Variants in PDE11A observed in about 807,000 individuals in gnomAD.
The protein encoded by PDE11A is dual 3',5'-cyclic-AMP and -GMP phosphodiesterase 11A.
In PDE11A, 100 loss-of-function variants were observed where a neutral mutation model predicts 100.5. That is an observed-to-expected ratio of 1.00 (90% confidence interval 0.85 to 1.18). PDE11A has a LOEUF of 1.18. PDE11A is among the 50% of genes most tolerant of loss of function. The pLI is 0.00. For missense variants in PDE11A, 1,141 were observed against 1,152.6 expected (o/e 0.99, Z 0.15); for synonymous variants, 381 against 420.8 (o/e 0.91, Z 1.16).
chr2:177,840,140 C>A lies in PDE11A; in HGVS notation c.1500+111G>T, dbSNP rs553781618. On this transcript the variant is annotated intron_variant, in intron 6 of 19. Transcript: ENST00000286063. Reference sequence around the variant, plus strand: ...GTAGGCAATGCTAAAAATAAGATCACAGGGGAAGGATGCAAAAGAATTGCT... The same window carrying A: ...GTAGGCAATGCTAAAAATAAGATCAAAGGGGAAGGATGCAAAAGAATTGCT... 3 of 1,123,616 alleles carry A rather than the reference C, an allele frequency of 2.7e-6. No homozygotes were observed. The South Asian group carries it at 3.9e-5, about 15-fold the overall frequency. The allele number at this position is 1,123,616 out of a possible 1,614,324, so 69.6% of individuals were successfully genotyped here. A position where few individuals can be genotyped will look rare whatever the true frequency, so the allele number is the denominator to read the frequency against.
At chr2:177,913,756 T>C (rs749259858) in intron 2 of PDE11A, among the ~76,000 whole-genome samples, 13 of 152,186 alleles carry the variant, frequency 8.5e-5, no homozygotes, top group Non-Finnish European at 1.5e-4. Context: ...CAGAATATTC[T>C]AGGGGGTGGT....
intron 9 of PDE11A, among the ~76,000 whole-genome samples, chr2:177,776,338 C>A (rs142217732): frequency 3.3e-5 from 5 of 152,296 alleles, no homozygotes; most frequent in African/African-American, 1.2e-4. Context: ...CCTCCTTCTA[C>A]ATGCTCCAAA....
chr2:177,840,401 T>TGCTTGG lies in PDE11A; in HGVS notation c.1368-19_1368-18insCCAAGC. 10 of 1,612,658 alleles carry TGCTTGG rather than the reference T, an allele frequency of 6.2e-6. No individual in the cohort carries two copies. Among genetic ancestry groups the TGCTTGG allele is most frequent in the Non-Finnish European group, 8.5e-6 (10 of 1,178,866 alleles). On this transcript the variant is annotated intron_variant, in intron 5 of 19. Transcript: ENST00000286063. ...CTTTGAAACTATCAGAGCACCAAGG[T>TGCTTGG]AGGCAGGAAGAAAAGAGAGAAACGT...
In PDE11A at chr2:177,905,167, T is replaced by C. The variant is rs1230085172; in HGVS notation, c.1092A>G (p.Pro364=). Residue 364 remains proline, a synonymous_variant, in exon 3 of 20, where the codon CCA becomes CCG. Coordinates refer to ENST00000286063, the MANE Select transcript of PDE11A (RefSeq NM_016953.4). ...CGTTAGATATGGCGATTCCACAAAA[T>C]GGAAGATACATCTGCATAACCTGGG... ...DDEKVMQMYL[P]FCGIAISNAQ... is the part of the protein sequence containing the mutation. The C allele has an allele frequency of 6.2e-7, 1 of 1,602,790 alleles. No homozygotes were observed. Among genetic ancestry groups the C allele is most frequent in the Non-Finnish European group, 8.5e-7 (1 of 1,169,676 alleles).
intron 1 of PDE11A, among the ~76,000 whole-genome samples, chr2:178,058,446 C>G (rs2086926378): frequency 6.6e-6 from 1 of 152,110 alleles, no homozygotes; most frequent in African/African-American, 2.4e-5. Flanking sequence ...GGGAGTTTCC[C>G]TGCACAGGCT....
chr2:178,045,016 G>A (rs1024581517), intron 1 of PDE11A, among the ~76,000 whole-genome samples: 3 of 152,124 alleles, frequency 2.0e-5, no homozygotes, highest in African/African-American at 7.2e-5. Flanking sequence ...ATAGATCACC[G>A]GTATGGCTGT....
intron 1 of PDE11A, among the ~76,000 whole-genome samples, chr2:178,068,808 C>G (rs10198111): frequency 0.29 from 44,214 of 151,874 alleles, 6,556 homozygotes; most frequent in Non-Finnish European, 0.31. Context: ...CTACAACAAC[C>G]CTATAAAAAG....
At chr2:177,774,713 A>G (rs905819314) in intron 9 of PDE11A, among the ~76,000 whole-genome samples, 1 of 152,214 alleles carries the variant, frequency 6.6e-6, no homozygotes, top group Non-Finnish European at 1.5e-5. Flanking sequence ...GTCTGCCTAC[A>G]TTACTAACTT....
At chr2:177,991,020 A>G (rs769570980) in intron 2 of PDE11A, among the ~76,000 whole-genome samples, 6 of 150,366 alleles carry the variant, frequency 4.0e-5, no homozygotes, top group African/African-American at 9.8e-5. Context: ...AAAATAAAGA[A>G]CAAGTATTTA....
chr2:177,845,624 G>C (rs1299704140), intron 5 of PDE11A, among the ~76,000 whole-genome samples: 2 of 152,136 alleles, frequency 1.3e-5, no homozygotes, highest in Non-Finnish European at 2.9e-5. Context: ...CTTCCCAGAC[G>C]GGGTGGCGGC....
In PDE11A at chr2:177,662,956, T is replaced by A. The variant is rs138174211; in HGVS notation, c.2646+910A>T. On this transcript the variant is annotated intron_variant, in intron 19 of 19. Coordinates refer to ENST00000286063, the MANE Select transcript of PDE11A (RefSeq NM_016953.4). ...AGGTCCTTAAAAAACAATACTGCGT[T>A]TTTAATGGGGTTACATAGGGTGAGG... Among the ~76,000 whole-genome samples the A allele has an allele frequency of 2.6e-3, 396 of 152,298 alleles. 4 individuals are homozygous for A. Among genetic ancestry groups the A allele is most frequent in the African/African-American group, 9.1e-3 (378 of 41,560 alleles).
chr2:177,811,268 A>T (rs1468575480), intron 9 of PDE11A, among the ~76,000 whole-genome samples: 1 of 152,168 alleles, frequency 6.6e-6, no homozygotes, highest in African/African-American at 2.4e-5. Context: ...GCTCTTGGTC[A>T]TATAGAATGG....
intron 2 of PDE11A, among the ~76,000 whole-genome samples, chr2:178,103,889 T>C (rs917251163): frequency 2.6e-5 from 4 of 152,116 alleles, no homozygotes; most frequent in African/African-American, 9.7e-5. Flanking sequence ...CTGTCTCACT[T>C]TACCCTCTTC....
In PDE11A at chr2:177,726,660, G is replaced by GTTTT. The variant is rs11423127; in HGVS notation, c.2043+994_2043+997dup. 9.7e-3 allele frequency among the ~76,000 whole-genome samples: 1,383 copies of GTTTT among 142,824 alleles called. 23 individuals carry two copies. Among genetic ancestry groups the GTTTT allele is most frequent in the African/African-American group, 0.026 (1,011 of 38,818 alleles). 93.7% of individuals were successfully genotyped at this position (142,824 alleles called of 152,430 possible). A position where few individuals can be genotyped will look rare whatever the true frequency, so the allele number is the denominator to read the frequency against. On this transcript the variant is annotated intron_variant, in intron 12 of 19. Coordinates refer to ENST00000286063, the MANE Select transcript of PDE11A (RefSeq NM_016953.4). ...TTTAATAGGCAGAAAATGAGGCAGAGTTTTTTTTTTTTTTTTGAGAAAGAA... is the reference window on the plus strand; with the variant it reads ...TTTAATAGGCAGAAAATGAGGCAGAGTTTTTTTTTTTTTTTTTTTTGAGAAAGAA...
intron 19 of PDE11A, among the ~76,000 whole-genome samples, chr2:177,658,831 C>T (rs2080431159): frequency 6.6e-6 from 1 of 151,760 alleles, no homozygotes; most frequent in Non-Finnish European, 1.5e-5. Context: ...ACCTTATATC[C>T]TCTTTTCTAG....
chr2:177,761,320 G>T (rs1340624365), intron 10 of PDE11A, among the ~76,000 whole-genome samples: 4 of 152,124 alleles, frequency 2.6e-5, no homozygotes, highest in African/African-American at 9.7e-5. Context: ...GCAAGGATTG[G>T]GGTGAAATTG....
intron 9 of PDE11A, among the ~76,000 whole-genome samples, chr2:177,815,650 C>T (rs535718166): frequency 6.6e-6 from 1 of 152,248 alleles, no homozygotes; most frequent in East Asian, 1.9e-4. Flanking sequence ...AAATAAAAAT[C>T]CCTGTGCTTC....
intron 2 of PDE11A, among the ~76,000 whole-genome samples, chr2:177,931,650 A>G (rs1379084208): frequency 6.6e-6 from 1 of 152,190 alleles, no homozygotes; most frequent in Non-Finnish European, 1.5e-5. Flanking sequence ...CAGCATAAGC[A>G]GTGTTAAGAG....
chr2:177,955,300 C>T (rs1235322728), intron 2 of PDE11A, among the ~76,000 whole-genome samples: 1 of 152,124 alleles, frequency 6.6e-6, no homozygotes, highest in Admixed American at 6.5e-5. Flanking sequence ...TATGTGTATA[C>T]ATATATAATT....
Sources: allele counts gnomAD v4.1 joint callset (sites outside exome capture counted in the v4.1 genomes callset), GRCh38; gene constraint gnomAD v4.1.1; transcripts MANE v1.5; gene names NCBI Gene and HGNC (gene_info 2026-07-23, HGNC 2026-07-21).